The following THSD4 variants were observed in gnomAD, a reference collection of about 807,000 sequenced individuals.
The protein encoded by THSD4 is thrombospondin type-1 domain-containing protein 4.
In THSD4, 69 loss-of-function variants were observed where a neutral mutation model predicts 119.0. The ratio of observed to expected loss-of-function variants is 0.58; its 90% CI spans 0.48 to 0.71. THSD4 has a LOEUF of 0.71. Among genes scored for constraint, THSD4 ranks in the 30% least tolerant of loss-of-function variants. THSD4 has a pLI of 0.00. For synonymous variants in THSD4, 524 were observed against 540.4 expected, an observed-to-expected ratio of 0.97 and a Z score of 0.42; for missense variants, 1,393 against 1,391.1, an observed-to-expected ratio of 1.00 and a Z score of -0.02.
intron 7 of THSD4, among the ~76,000 whole-genome samples, chr15:71,590,796 G>T (rs1324782567): frequency 6.6e-6 from 1 of 151,978 alleles, no homozygotes; most frequent in African/African-American, 2.4e-5. Flanking sequence ...GAGGTTAGGA[G>T]ATCAAGACCA....
chr15:71,128,222 G>GAA (rs112686096), intron 1 of THSD4, among the ~76,000 whole-genome samples: 9 of 143,964 alleles, frequency 6.3e-5, no homozygotes, highest in African/African-American at 2.3e-4. Flanking sequence ...TGGGAAAGAA[G>GAA]AAAAAAAAAA....
intron 6 of THSD4, among the ~76,000 whole-genome samples, chr15:71,298,128 G>A (rs1273560738): frequency 6.6e-6 from 1 of 152,158 alleles, no homozygotes; most frequent in Non-Finnish European, 1.5e-5. Flanking sequence ...TGTATATGGT[G>A]TAAGGTAGGG....
Position 71,336,135 on chromosome 15 carries a change from A to G in THSD4, c.1016-75552A>G, listed in dbSNP as rs111841202. On this transcript the variant is annotated intron_variant, in intron 6 of 17. Transcript: ENST00000261862. ...CAGCACATGTGAGGCATGTTCACACACTGTCTCCCTCTCCCCACAAAATGC... is the reference window on the plus strand; with the variant it reads ...CAGCACATGTGAGGCATGTTCACACGCTGTCTCCCTCTCCCCACAAAATGC... Among the ~76,000 whole-genome samples, 1,421 of 152,368 alleles carry G rather than the reference A, an allele frequency of 9.3e-3. 9 individuals are homozygous for G. Among genetic ancestry groups the G allele is most frequent in the Middle Eastern group, 0.017 (5 of 294 alleles).
intron 6 of THSD4, among the ~76,000 whole-genome samples, chr15:71,271,254 T>C (rs1454914161): frequency 1.3e-5 from 2 of 152,146 alleles, no homozygotes; most frequent in Non-Finnish European, 2.9e-5. Flanking sequence ...AATAAAAAAA[T>C]TGTGGTACAT....
intron 7 of THSD4, among the ~76,000 whole-genome samples, chr15:71,573,394 C>A (rs775046857): frequency 1.3e-5 from 2 of 152,224 alleles, no homozygotes; most frequent in Non-Finnish European, 2.9e-5. Context: ...ATCCAAGGAC[C>A]GAAGAAACTT....
At chr15:71,298,717 A>G (rs1009854918) in intron 6 of THSD4, among the ~76,000 whole-genome samples, 1 of 150,350 alleles carries the variant, frequency 6.7e-6, no homozygotes, top group African/African-American at 2.5e-5. Flanking sequence ...GGTTCAAGCA[A>G]TTCTCCTGCC....
At chr15:71,605,713 G>A (rs1419493220) in intron 7 of THSD4, among the ~76,000 whole-genome samples, 2 of 152,232 alleles carry the variant, frequency 1.3e-5, no homozygotes, top group Non-Finnish European at 2.9e-5. Context: ...GGACACCTAA[G>A]TAAAGATGTC....
intron 6 of THSD4, among the ~76,000 whole-genome samples, chr15:71,313,120 A>G (rs968530593): frequency 6.6e-6 from 1 of 152,150 alleles, no homozygotes; most frequent in Admixed American, 6.5e-5. Context: ...TATCAGTATC[A>G]TTTATTTATT....
At chr15:71,755,706 C>CAAAAA (rs10555546) in intron 14 of THSD4, among the ~76,000 whole-genome samples, 36 of 50,288 alleles carry the variant, frequency 7.2e-4, no homozygotes, top group East Asian at 1.6e-3. Context: ...TCAGCAAAGA[C>CAAAAA]AAAAAAAAAA....
intron 6 of THSD4, among the ~76,000 whole-genome samples, chr15:71,287,836 C>A (rs1308617636): frequency 6.6e-6 from 1 of 152,140 alleles, no homozygotes; most frequent in Non-Finnish European, 1.5e-5. Context: ...ATTGATAAAC[C>A]ATGTTCCCAG....
chr15:71,101,722 T>C (rs907497614), intron 1 of THSD4, among the ~76,000 whole-genome samples: 1 of 151,670 alleles, frequency 6.6e-6, no homozygotes, highest in South Asian at 2.1e-4. Context: ...CTTTTTTATT[T>C]TTTTTTTTTG....
chr15:71,219,662 T>A (rs2043959702), intron 4 of THSD4, among the ~76,000 whole-genome samples: 1 of 152,244 alleles, frequency 6.6e-6, no homozygotes, highest in Non-Finnish European at 1.5e-5. Flanking sequence ...ATGGCTCCCA[T>A]GTTGAAGCAC....
intron 7 of THSD4, among the ~76,000 whole-genome samples, chr15:71,503,701 G>A (rs1375562393): frequency 6.6e-6 from 1 of 152,120 alleles, no homozygotes; most frequent in Non-Finnish European, 1.5e-5. Flanking sequence ...AGCAAAGGGG[G>A]GCCTGGGCTA....
chr15:71,692,093 G>A (rs1371856380), intron 8 of THSD4, among the ~76,000 whole-genome samples: 1 of 152,144 alleles, frequency 6.6e-6, no homozygotes, highest in East Asian at 1.9e-4. Flanking sequence ...GCCTCCATCT[G>A]GCTAGCTTCC....
At position 71,379,450 on chromosome 15, in the gene THSD4, C is replaced by CTTTTTT. The variant is rs34326932; in HGVS notation, c.1016-32216_1016-32211dup. Among the ~76,000 whole-genome samples, 36 of 77,592 alleles carry CTTTTTT rather than the reference C, an allele frequency of 4.6e-4. 4 individuals are homozygous for CTTTTTT. The South Asian group carries it at 7.2e-3, about 15-fold the overall frequency. 50.9% of individuals were successfully genotyped at this position (77,592 alleles called of 152,430 possible). A position where few individuals can be genotyped will look rare whatever the true frequency, so the allele number is the denominator to read the frequency against. The stretch of plus-strand genomic sequence containing the variant: ...GACAAATTACTGAAGCAAATGGCTT[C>CTTTTTT]TTTTTTTTTTTTTTTTTTTTTTTTT... On this transcript the variant is annotated intron_variant, in intron 6 of 17. Transcript: ENST00000261862.
chr15:71,690,480 C>T (rs892328510), intron 8 of THSD4, among the ~76,000 whole-genome samples: 5 of 152,086 alleles, frequency 3.3e-5, no homozygotes, highest in Admixed American at 1.3e-4. Context: ...CAAGGAGGAC[C>T]GAGTCTTACT....
chr15:71,451,425 T>C (rs183683626), intron 7 of THSD4, among the ~76,000 whole-genome samples: 3 of 152,308 alleles, frequency 2.0e-5, no homozygotes, highest in South Asian at 2.1e-4. Context: ...AGCAGATTCA[T>C]GACAATTGAG....
intron 8 of THSD4, among the ~76,000 whole-genome samples, chr15:71,689,038 G>T (rs1308651311): frequency 6.6e-6 from 1 of 152,128 alleles, no homozygotes. Flanking sequence ...AAGAGCCAGG[G>T]ATCCCCACAC....
chr15:71,317,109 T>C (rs2045197944), intron 6 of THSD4, among the ~76,000 whole-genome samples: 1 of 152,158 alleles, frequency 6.6e-6, no homozygotes, highest in South Asian at 2.1e-4. Context: ...CAGAGCTGGA[T>C]ATTGGTGTTT....
Sources: allele counts gnomAD v4.1 joint callset (sites outside exome capture counted in the v4.1 genomes callset), GRCh38; gene constraint gnomAD v4.1.1; transcripts MANE v1.5; gene names NCBI Gene and HGNC (gene_info 2026-07-23, HGNC 2026-07-21).